The following DNAH6 variants were observed in gnomAD, a reference collection of about 807,000 sequenced individuals.
DNAH6 encodes the protein dynein axonemal heavy chain 6.
In DNAH6, 340 loss-of-function variants were observed where a neutral mutation model predicts 491.4. The ratio of observed to expected loss-of-function variants is 0.69; its 90% CI spans 0.63 to 0.76. The LOEUF (loss-of-function observed/expected upper bound fraction) is 0.76, where lower values mean the gene tolerates loss of function less well. Ranked by LOEUF, DNAH6 falls within the 30% of genes least tolerant of loss-of-function variation. The probability of loss-of-function intolerance (pLI) is 0.00; values close to 1 mark genes in which losing one functional copy is unlikely to be tolerated. For synonymous variants in DNAH6, 1,603 were observed against 1,686.1 expected (o/e 0.95, Z 1.21); for missense variants, 4,443 against 4,972.2 (o/e 0.89, Z 3.20).
chr2:84,761,618 A>G (rs1674586113), intron 63 of DNAH6, among the ~76,000 whole-genome samples: 1 of 152,200 alleles, frequency 6.6e-6, no homozygotes. Context: ...TGTTCCTTCT[A>G]GACCTTTACA....
Position 84,785,730 on chromosome 2 carries a change from AT to A in DNAH6, c.11077del (p.Cys3693ValfsTer34). 1 of 1,545,742 alleles carries A rather than the reference AT, an allele frequency of 6.5e-7. No homozygotes were observed. Among genetic ancestry groups the A allele is most frequent in the East Asian group, 2.5e-5 (1 of 40,676 alleles). On this transcript the variant is annotated frameshift_variant, in exon 67 of 77. Transcript: ENST00000389394. LOFTEE classifies it high-confidence loss of function. ...AAAATGGAGACAAATAATATTTGGCATTTGTTTCTTCCATGCAATTATTCAG... is the reference window on the plus strand; with the variant it reads ...AAAATGGAGACAAATAATATTTGGCATTGTTTCTTCCATGCAATTATTCAG... ...GKKWRQIIFG[I>X]CFFHAIIQER...
At chr2:84,663,799 A>G (rs1392756085) in intron 37 of DNAH6, among the ~76,000 whole-genome samples, 2 of 152,212 alleles carry the variant, frequency 1.3e-5, no homozygotes, top group East Asian at 1.9e-4. Flanking sequence ...CAATTGTCAG[A>G]TTCACCAAAG....
the DNAH6 span, among the ~76,000 whole-genome samples, chr2:84,481,979 A>T: frequency 6.6e-6 from 1 of 152,098 alleles, no homozygotes; most frequent in Non-Finnish European, 1.5e-5. Context: ...CATTCCTCTA[A>T]GAGAAGTCAC....
chr2:84,573,462 T>C lies in DNAH6; in HGVS notation c.1804-5T>C. The stretch of plus-strand genomic sequence containing the variant: ...CATATTTGTCTGCTTATTTATAACA[T>C]TTAGGAAACCATTCAGGCCGCATTT... On this transcript the variant is annotated splice_polypyrimidine_tract_variant and splice_region_variant and intron_variant, in intron 11 of 76. Transcript: ENST00000389394. 6.3e-7 allele frequency: 1 copy of C among 1,576,960 alleles called. No individual in the cohort carries two copies.
Position 84,653,754 on chromosome 2 carries a change from T to A in DNAH6, c.5514T>A (p.Asp1838Glu). The change falls in exon 34 of 77, where the codon GAT becomes GAA. Residue 1838 changes from aspartate (D) to glutamate (E), a missense_variant. Around this residue, in one of 3 missense-constraint regions of DNAH6, gnomAD observed 2,977 missense variants for 3,296.6 expected, o/e 0.90. Coordinates refer to ENST00000389394, the MANE Select transcript of DNAH6 (RefSeq NM_001370.2). ...TSEDHKWIIS[D>E]GPVDALWIEN... ...AAGACCATAAATGGATCATCAGTGATGGGCCAGTAGATGCTCTTTGGATTG... is the reference window on the plus strand; with the variant it reads ...AAGACCATAAATGGATCATCAGTGAAGGGCCAGTAGATGCTCTTTGGATTG... 6.4e-7 allele frequency: 1 copy of A among 1,551,378 alleles called. No individual in the cohort carries two copies. Among genetic ancestry groups the A allele is most frequent in the Non-Finnish European group, 8.7e-7 (1 of 1,146,682 alleles).
intron 62 of DNAH6, among the ~76,000 whole-genome samples, chr2:84,736,307 G>A (rs1276489970): frequency 6.6e-6 from 1 of 151,972 alleles, no homozygotes; most frequent in Non-Finnish European, 1.5e-5. Flanking sequence ...TTTTTTACTA[G>A]GATTGCCTTG....
At chr2:84,655,113 C>T (rs1160461791) in intron 35 of DNAH6, among the ~76,000 whole-genome samples, 3 of 151,920 alleles carry the variant, frequency 2.0e-5, no homozygotes, top group South Asian at 2.1e-4. Flanking sequence ...ATTGAGACTT[C>T]GCAGAAAGCT....
intron 70 of DNAH6, among the ~76,000 whole-genome samples, chr2:84,800,885 G>T (rs1678825871): frequency 6.6e-6 from 1 of 151,760 alleles, no homozygotes; most frequent in South Asian, 2.1e-4. Context: ...AGAAAATGTG[G>T]CACATATTCA....
chr2:84,713,423 C>A (rs1446733786), intron 57 of DNAH6, among the ~76,000 whole-genome samples, 164 bp downstream of exon 57: 1 of 152,240 alleles, frequency 6.6e-6, no homozygotes, highest in Non-Finnish European at 1.5e-5. Context: ...TGCTTCCCTT[C>A]TGAGCTTTGA....
the DNAH6 span, among the ~76,000 whole-genome samples, chr2:84,494,332 A>G: frequency 6.6e-6 from 1 of 152,200 alleles, no homozygotes; most frequent in Non-Finnish European, 1.5e-5. Flanking sequence ...TTTGACGAAG[A>G]CCATGACTAA....
At chr2:84,543,285 C>T (rs930039668) in intron 4 of DNAH6, among the ~76,000 whole-genome samples, 2 of 152,140 alleles carry the variant, frequency 1.3e-5, no homozygotes, top group African/African-American at 2.4e-5. Context: ...CTGGAGTGTT[C>T]CTAATTTCTG....
chr2:84,795,401 T>G (rs187274843), intron 68 of DNAH6, among the ~76,000 whole-genome samples: 1 of 152,302 alleles, frequency 6.6e-6, no homozygotes, highest in African/African-American at 2.4e-5. Context: ...CTGTAAATAT[T>G]CAATGAAATG....
upstream of DNAH6, among the ~76,000 whole-genome samples, chr2:84,511,725 A>G (rs772024687): frequency 5.9e-5 from 9 of 152,184 alleles, no homozygotes; most frequent in Non-Finnish European, 1.3e-4. Flanking sequence ...TTATAATGAA[A>G]GAGTGATGGA....
chr2:84,472,074 A>G, the DNAH6 span, among the ~76,000 whole-genome samples: 1 of 151,708 alleles, frequency 6.6e-6, no homozygotes, highest in Non-Finnish European at 1.5e-5. Flanking sequence ...CAGCCTTTTT[A>G]TTTTCCTTTT....
intron 72 of DNAH6, among the ~76,000 whole-genome samples, chr2:84,810,202 C>T (rs1477324496): frequency 6.6e-6 from 1 of 152,178 alleles, no homozygotes; most frequent in Non-Finnish European, 1.5e-5. Context: ...GTATTCATTA[C>T]ATTTTTTGTA....
intron 70 of DNAH6, among the ~76,000 whole-genome samples, chr2:84,801,275 A>G (rs935265896): frequency 1.1e-4 from 17 of 151,866 alleles, no homozygotes; most frequent in African/African-American, 2.6e-4. Flanking sequence ...AAAAGAAAAA[A>G]AAAAAAAAGA....
chr2:84,743,875 T>C (rs927566394), intron 62 of DNAH6, among the ~76,000 whole-genome samples: 1 of 152,210 alleles, frequency 6.6e-6, no homozygotes, highest in Admixed American at 6.5e-5. Context: ...ATGCATATTT[T>C]ATACATTATT....
chr2:84,618,415 G>T (rs943684830), intron 23 of DNAH6, among the ~76,000 whole-genome samples: 1 of 152,232 alleles, frequency 6.6e-6, no homozygotes, highest in South Asian at 2.1e-4. Context: ...GCATCTCATA[G>T]GCAGCATTTA....
chr2:84,517,076 T>C (rs1393607718), intron 1 of DNAH6, among the ~76,000 whole-genome samples: 1 of 152,204 alleles, frequency 6.6e-6, no homozygotes, highest in Non-Finnish European at 1.5e-5. Flanking sequence ...ATATTTCTAT[T>C]GGCCAGCACT....
Sources: gnomAD v4.1 joint callset for allele counts (sites outside exome capture counted in the v4.1 genomes callset) on GRCh38, gnomAD v4.1.1 for gene constraint, gnomAD v4.1.1 regional missense constraint, MANE v1.5 for transcripts, NCBI Gene and HGNC (gene_info 2026-07-23, HGNC 2026-07-21) for gene names.